The following MTM1 variants were observed in gnomAD, a reference collection of about 807,000 sequenced individuals.
The protein encoded by MTM1 is myotubularin 1.
MTM1 carries 9 observed loss-of-function variants against 52.1 expected under a neutral mutation model. The observed-to-expected ratio is 0.17, with a 90% CI of 0.10 to 0.30. The LOEUF (loss-of-function observed/expected upper bound fraction) is 0.30. MTM1 is among the 10% of genes least tolerant of loss of function. The probability of loss-of-function intolerance (pLI) is 1.00; values close to 1 mark genes in which losing one functional copy is unlikely to be tolerated. For synonymous variants in MTM1, 136 were observed against 163.8 expected (o/e 0.83, Z 1.29); for missense variants, 277 against 470.7 (o/e 0.59, Z 3.81).
intron 1 of MTM1, among the ~76,000 whole-genome samples, chrX:150,583,155 AATTATATAT>A (rs1283425652): frequency 1.3e-5 from 1 of 78,717 alleles, no homozygotes; most frequent in Non-Finnish European, 2.2e-5. Flanking sequence ...AATATATATA[AATTATATAT>A]ATTATATAAA....
chrX:150,614,800 A>G (rs1299374016), intron 5 of MTM1, 101 bp downstream of exon 5: 16 of 502,731 alleles, frequency 3.2e-5, no homozygotes, highest in Middle Eastern at 5.3e-4. Flanking sequence ...TCAAAATCTC[A>G]TGTTCATCTA....
chrX:150,617,401 T>C (rs966964770), intron 5 of MTM1, among the ~76,000 whole-genome samples: 1 of 112,192 alleles, frequency 8.9e-6, no homozygotes, highest in Non-Finnish European at 1.9e-5. Flanking sequence ...TATCATCCCA[T>C]TGAAATGATT....
At position 150,659,712 on chromosome X, in the gene MTM1, A is replaced by G. The variant is rs368363225; in HGVS notation, c.1309A>G (p.Ile437Val). 3.3e-6 allele frequency: 4 copies of G among 1,209,465 alleles called. No homozygotes were observed. The highest frequency in any genetic ancestry group is 3.0e-5 in the East Asian group (1 of 33,798). The change falls in exon 12 of 15, where the codon ATT becomes GTT. Residue 437 changes from isoleucine (I) to valine (V), a missense_variant. Ile to Val is a conservative substitution (Grantham distance 29). Around this residue, in one of 4 missense-constraint regions of MTM1, gnomAD observed 59 missense variants for 107.8 expected, o/e 0.55. Transcript: ENST00000370396. ...CCACACCGATGCTGACCGTTCTCCT[A>G]TTTTTCTCCAGTTTATTGATTGTGT... ...KNHTDADRSP[I>V]FLQFIDCVWQ...
intron 4 of MTM1, among the ~76,000 whole-genome samples, chrX:150,602,022 C>T (rs1182705362): frequency 8.9e-6 from 1 of 112,137 alleles, no homozygotes; most frequent in Non-Finnish European, 1.9e-5. Flanking sequence ...AAGAGCCACA[C>T]CCTCTCTGGA....
chrX:150,612,534 C>CA (rs1193215860), intron 4 of MTM1, among the ~76,000 whole-genome samples: 2 of 107,919 alleles, frequency 1.9e-5, no homozygotes, highest in East Asian at 2.9e-4. Flanking sequence ...ACCATCTCTA[C>CA]AAAAAATACA....
intron 1 of MTM1, among the ~76,000 whole-genome samples, chrX:150,572,527 A>C (rs1254727847): frequency 8.9e-6 from 1 of 112,021 alleles, no homozygotes; most frequent in East Asian, 2.8e-4. Flanking sequence ...TCACTGGTAT[A>C]CCATAACAAG....
At chrX:150,622,840 A>G (rs1452453491) in intron 6 of MTM1, among the ~76,000 whole-genome samples, 1 of 111,413 alleles carries the variant, frequency 9.0e-6, no homozygotes. Context: ...AGGAACAATG[A>G]GTTCTGTTTT....
intron 4 of MTM1, among the ~76,000 whole-genome samples, chrX:150,611,468 A>G (rs1031325007): frequency 2.7e-5 from 3 of 111,926 alleles, no homozygotes; most frequent in South Asian, 7.4e-4. Flanking sequence ...ACATTATGAT[A>G]ATTATACTCG....
chrX:150,592,794 A>AT, intron 2 of MTM1, 117 bp downstream of exon 2: 1 of 523,340 alleles, frequency 1.9e-6, no homozygotes, highest in Non-Finnish European at 3.3e-6. Flanking sequence ...ATTCACATAT[A>AT]AATACATTTA....
upstream of MTM1, among the ~76,000 whole-genome samples, chrX:150,563,623 C>T (rs782552971): frequency 5.4e-4 from 58 of 106,828 alleles, no homozygotes; most frequent in African/African-American, 1.9e-3. Flanking sequence ...CGATGGCTCA[C>T]GCCTGTAATC....
intron 14 of MTM1, among the ~76,000 whole-genome samples, chrX:150,667,284 A>G (rs1225333702): frequency 9.0e-6 from 1 of 111,548 alleles, no homozygotes; most frequent in Non-Finnish European, 1.9e-5. Context: ...GCACTCAGGT[A>G]TCCACTTGAC....
upstream of MTM1, among the ~76,000 whole-genome samples, chrX:150,567,830 A>G (rs2038284190): frequency 8.9e-6 from 1 of 112,641 alleles, no homozygotes; most frequent in Non-Finnish European, 1.9e-5. Context: ...CTAGGATTAC[A>G]GGCGTGAGCC....
At chrX:150,575,252 C>A in intron 1 of MTM1, among the ~76,000 whole-genome samples, 1 of 112,655 alleles carries the variant, frequency 8.9e-6, no homozygotes, top group East Asian at 2.8e-4. Context: ...GGGAATACCA[C>A]GGACCAGGAG....
chrX:150,567,504 T>C (rs2038278217), upstream of MTM1, among the ~76,000 whole-genome samples: 2 of 111,597 alleles, frequency 1.8e-5, no homozygotes, highest in South Asian at 7.5e-4. Flanking sequence ...ATAAGTATTA[T>C]GCAGTACAAA....
chrX:150,619,108 C>T lies in MTM1; in HGVS notation c.413C>T (p.Thr138Met), dbSNP rs374075654. 8.3e-7 allele frequency: 1 copy of T among 1,208,352 alleles called. No homozygotes were observed. The highest frequency in any genetic ancestry group is 1.1e-6 in the Non-Finnish European group (1 of 892,734). Residue 138 changes from threonine to methionine, a missense_variant, in exon 6 of 15, where the codon ACG becomes ATG. Physicochemically the swap from Thr to Met is moderately conservative, Grantham distance 81. Around this residue, in one of 4 missense-constraint regions of MTM1, gnomAD observed 164 missense variants for 283.3 expected, o/e 0.58. Transcript: ENST00000370396. ...AGAAGAGATATGTTTGAGATCCTCA[C>T]GAGATACGCGTTTCCCCTGGCTCAC... ...HSRRDMFEILTRYAFPLAHSL... is the reference protein window; with the variant it reads ...HSRRDMFEILMRYAFPLAHSL...
chrX:150,644,065 C>T (rs782483102), intron 8 of MTM1, among the ~76,000 whole-genome samples: 1 of 109,326 alleles, frequency 9.1e-6, no homozygotes, highest in Non-Finnish European at 1.9e-5. Context: ...GCCTATGGCC[C>T]GACTGAAATT....
At chrX:150,583,508 T>C (rs1157464086) in intron 1 of MTM1, among the ~76,000 whole-genome samples, 9 of 30,625 alleles carry the variant, frequency 2.9e-4, no homozygotes, top group African/African-American at 1.1e-3. Flanking sequence ...TATAAATATA[T>C]ATAATTTATA....
At chrX:150,565,663 A>G (rs1456836834), upstream of MTM1, among the ~76,000 whole-genome samples, 7 of 111,329 alleles carry the variant, frequency 6.3e-5, no homozygotes, top group Non-Finnish European at 1.3e-4. Context: ...GAAGCCAACC[A>G]AATCCAGAGT....
chrX:150,650,829 G>T (rs1231344984), intron 10 of MTM1, among the ~76,000 whole-genome samples: 1 of 111,605 alleles, frequency 9.0e-6, no homozygotes, highest in Non-Finnish European at 1.9e-5. Context: ...ACCTCTGGGG[G>T]CTCCCAACAG....
Sources: allele counts gnomAD v4.1 joint callset (sites outside exome capture counted in the v4.1 genomes callset), GRCh38; gene constraint gnomAD v4.1.1; regional missense constraint gnomAD v4.1.1; transcripts MANE v1.5; gene names NCBI Gene and HGNC (gene_info 2026-07-23, HGNC 2026-07-21).